ESR1: variants seen among roughly 807,000 people sequenced by gnomAD.
ESR1 encodes the protein estrogen receptor.
In ESR1, 12 loss-of-function variants were observed where a neutral mutation model predicts 52.7. The ratio of observed to expected loss-of-function variants is 0.23; its 90% CI spans 0.15 to 0.37. ESR1 has a LOEUF of 0.37. Ranked by LOEUF, ESR1 falls within the 10% of genes least tolerant of loss-of-function variation. The pLI is 1.00. For synonymous variants in ESR1, 305 were observed against 316.8 expected (o/e 0.96, Z 0.39); for missense variants, 584 against 779.7 (o/e 0.75, Z 2.99).
intron 1 of ESR1, among the ~76,000 whole-genome samples, chr6:151,820,635 T>C (rs1480392486): frequency 1.3e-5 from 2 of 152,224 alleles, no homozygotes; most frequent in African/African-American, 4.8e-5. Flanking sequence ...ACAGGATTTT[T>C]CTGTTGCTGA....
At chr6:151,843,002 G>T (rs1022722803) in intron 2 of ESR1, among the ~76,000 whole-genome samples, 2 of 152,104 alleles carry the variant, frequency 1.3e-5, no homozygotes, top group Non-Finnish European at 2.9e-5. Context: ...GAGTAATTCC[G>T]CTTCCTTCCT....
chr6:151,663,298 A>G (rs955042038), intron 1 of ESR1, among the ~76,000 whole-genome samples: 1 of 152,244 alleles, frequency 6.6e-6, no homozygotes, highest in Non-Finnish European at 1.5e-5. Context: ...TCAAAGTCCC[A>G]TTCATATGGA....
At chr6:151,817,829 C>G (rs1779925109) in intron 1 of ESR1, among the ~76,000 whole-genome samples, 1 of 152,164 alleles carries the variant, frequency 6.6e-6, no homozygotes, top group African/African-American at 2.4e-5. Context: ...CTTTTTCCCT[C>G]TGGTTCATCA....
At chr6:151,837,083 A>C (rs1215232886) in intron 1 of ESR1, among the ~76,000 whole-genome samples, 2 of 146,156 alleles carry the variant, frequency 1.4e-5, no homozygotes, top group African/African-American at 5.0e-5. Flanking sequence ...AAGAGATTCT[A>C]TTCTCTGGAC....
At chr6:151,929,886 A>G (rs1344929922) in intron 3 of ESR1, among the ~76,000 whole-genome samples, 2 of 152,132 alleles carry the variant, frequency 1.3e-5, no homozygotes, top group Admixed American at 6.5e-5. Context: ...TAACTATTTC[A>G]TATTTGTTGC....
intron 4 of ESR1, among the ~76,000 whole-genome samples, chr6:151,950,711 C>T (rs924080251): frequency 3.3e-5 from 5 of 152,020 alleles, no homozygotes; most frequent in African/African-American, 9.7e-5. Context: ...TGGCTAACAT[C>T]GGAAACTAGA....
rs781506408 is a variant in ESR1 at position 152,122,482 on chromosome 6, G to A, written c.851-2784G>A. 6 of 1,614,198 alleles carry A rather than the reference G, an allele frequency of 3.7e-6. No homozygotes were observed. The highest frequency in any genetic ancestry group is 4.2e-6 in the Non-Finnish European group (5 of 1,180,042). On this transcript the variant is annotated intron_variant, in intron 6 of 6. Transcript: ENST00000427531. ...CGTGTATCTGAGCATGGGGTGGAAT[G>A]ACCGGGCAAAGTTGTTGGAGAGGGC...
chr6:151,817,987 A>C (rs2128182849), intron 1 of ESR1, among the ~76,000 whole-genome samples: 1 of 152,322 alleles, frequency 6.6e-6, no homozygotes, highest in Non-Finnish European at 1.5e-5. Flanking sequence ...TTGAATCCTT[A>C]AACCAGTCTT....
chr6:151,849,994 A>ATAATTTTGTATATATATACAAAAT (rs1554268083), intron 2 of ESR1, among the ~76,000 whole-genome samples: 2 of 105,088 alleles, frequency 1.9e-5, no homozygotes, highest in Non-Finnish European at 3.7e-5. Context: ...ATATATATAT[A>ATAATTTTGTATATATATACAAAAT]TATATATATA....
At chr6:151,711,520 C>G (rs906397508) in intron 2 of ESR1, among the ~76,000 whole-genome samples, 2 of 152,186 alleles carry the variant, frequency 1.3e-5, no homozygotes, top group African/African-American at 4.8e-5. Context: ...CGCACCTGGC[C>G]TGTTTCCAGA....
chr6:151,763,440 A>G (rs1225661423), intron 2 of ESR1, among the ~76,000 whole-genome samples: 1 of 152,250 alleles, frequency 6.6e-6, no homozygotes, highest in East Asian at 1.9e-4. Flanking sequence ...GCCAGTGTTG[A>G]AAATGAAAGC....
chr6:151,864,495 G>T (rs1191394567), intron 2 of ESR1, among the ~76,000 whole-genome samples: 1 of 152,178 alleles, frequency 6.6e-6, no homozygotes, highest in Non-Finnish European at 1.5e-5. Flanking sequence ...TGGTGGGACT[G>T]TAAACTGGTT....
intron 2 of ESR1, among the ~76,000 whole-genome samples, chr6:151,791,712 G>C (rs1332553341): frequency 6.6e-6 from 1 of 152,136 alleles, no homozygotes; most frequent in Non-Finnish European, 1.5e-5. Flanking sequence ...GTGGCTTTCA[G>C]GTAATCCAGT....
chr6:151,679,435 C>T (rs1031936188), intron 1 of ESR1, among the ~76,000 whole-genome samples: 3 of 152,158 alleles, frequency 2.0e-5, no homozygotes, highest in Non-Finnish European at 2.9e-5. Context: ...CCGCAACCTC[C>T]GTCTCCCAGG....
chr6:151,927,675 G>T (rs867304687), intron 3 of ESR1, among the ~76,000 whole-genome samples: 1 of 151,766 alleles, frequency 6.6e-6, no homozygotes, highest in Non-Finnish European at 1.5e-5. Flanking sequence ...GAGACCAGTC[G>T]TGGTGACTTC....
intron 2 of ESR1, among the ~76,000 whole-genome samples, chr6:151,860,726 T>G (rs1195205244): frequency 6.6e-6 from 1 of 152,318 alleles, no homozygotes; most frequent in East Asian, 1.9e-4. Context: ...AATTTCTTTC[T>G]CATAGCCAGC....
At chr6:151,792,146 A>C (rs2128132837) in intron 2 of ESR1, among the ~76,000 whole-genome samples, 1 of 152,342 alleles carries the variant, frequency 6.6e-6, no homozygotes, top group South Asian at 2.1e-4. Flanking sequence ...GTATTTGTAT[A>C]TCTAAACACA....
At chr6:152,092,081 C>T (rs1041916197) in intron 6 of ESR1, among the ~76,000 whole-genome samples, 1 of 152,178 alleles carries the variant, frequency 6.6e-6, no homozygotes, top group Non-Finnish European at 1.5e-5. Context: ...CCCTAACCTC[C>T]CAGCTCACAC....
At chr6:151,676,318 C>CT (rs1264754326) in intron 1 of ESR1, among the ~76,000 whole-genome samples, 1 of 152,166 alleles carries the variant, frequency 6.6e-6, no homozygotes, top group Non-Finnish European at 1.5e-5. Context: ...CACCAGCCAT[C>CT]TCTCTCTCCT....
Sources: gnomAD v4.1 joint callset for allele counts (sites outside exome capture counted in the v4.1 genomes callset) on GRCh38, gnomAD v4.1.1 for gene constraint, MANE v1.5 for transcripts, NCBI Gene and HGNC (gene_info 2026-07-23, HGNC 2026-07-21) for gene names.